Variants in ERFE observed in about 807,000 individuals in gnomAD.
ERFE encodes the protein erythroferrone, also known as complement C1q tumor necrosis factor-related protein 15.
A neutral mutation model predicts 26.6 loss-of-function variants in ERFE; 25 were observed. The ratio of observed to expected loss-of-function variants is 0.94; its 90% CI spans 0.69 to 1.31. The LOEUF (loss-of-function observed/expected upper bound fraction) is 1.31, where lower values mean the gene tolerates loss of function less well. Among genes scored for constraint, ERFE ranks in the 40% most tolerant of loss-of-function variants. The pLI is 0.00. For missense variants in ERFE, 447 were observed against 440.2 expected (o/e 1.02, Z -0.14); for synonymous variants, 206 against 204.5 (o/e 1.01, Z -0.06).
intron 1 of ERFE, 57 bp from the exon 2 acceptor site, chr2:238,161,537 C>T (rs975936313): frequency 6.8e-7 from 1 of 1,477,882 alleles, no homozygotes. Flanking sequence ...AAGTGTCCCA[C>T]CTGCTTGGTA....
rs137945293 is a variant in ERFE, at chr2:238,167,453, C to T, written c.*399C>T. On this transcript the variant is annotated 3_prime_UTR_variant, in exon 8 of 8. Coordinates refer to ENST00000546354, the MANE Select transcript of ERFE (RefSeq NM_001291832.2). ...TCATGTTCTCATGGAGTGCAAAGTG[C>T]ACCAGCCAGGGCCCCTACCTGGGAG... 920 of 481,174 alleles carry T rather than the reference C, an allele frequency of 1.9e-3. 3 individuals carry two copies. The highest frequency in any genetic ancestry group is 0.012 in the Middle Eastern group (39 of 3,212). 29.8% of individuals were successfully genotyped at this position (481,174 alleles called of 1,614,324 possible). A position where few individuals can be genotyped will look rare whatever the true frequency, so the allele number is the denominator to read the frequency against.
At chr2:238,160,974 A>G (rs1373249316) in intron 1 of ERFE, among the ~76,000 whole-genome samples, 3 of 152,206 alleles carry the variant, frequency 2.0e-5, no homozygotes, top group Non-Finnish European at 4.4e-5. Flanking sequence ...ATCACTGTCC[A>G]TGTGTCAGTG....
At position 238,159,356 on chromosome 2, in the gene ERFE, A is replaced by G. The variant is rs1218561199; in HGVS notation, c.198+151A>G. On this transcript the variant is annotated intron_variant, in intron 1 of 7. Coordinates refer to ENST00000546354, the MANE Select transcript of ERFE (RefSeq NM_001291832.2). Reference sequence around the variant, plus strand: ...GGGCTCCGGGGCTCCGCAGAGACTCAGGGCCGTGTAGACGCCGCCCTCAGC... The same window carrying G: ...GGGCTCCGGGGCTCCGCAGAGACTCGGGGCCGTGTAGACGCCGCCCTCAGC... Among the ~76,000 whole-genome samples, 9 of 151,988 alleles carry G rather than the reference A, an allele frequency of 5.9e-5. No homozygotes were observed. In the East Asian group the frequency reaches 1.6e-3, roughly 26 times the overall value.
chr2:238,168,394 G>A lies in ERFE; in HGVS notation c.*1340G>A, dbSNP rs1693082904. 1 of 471,048 alleles carries A rather than the reference G, an allele frequency of 2.1e-6. No individual in the cohort carries two copies. The highest frequency in any genetic ancestry group is 7.0e-5 in the East Asian group (1 of 14,388). 29.2% of individuals were successfully genotyped at this position (471,048 alleles called of 1,614,324 possible). A position where few individuals can be genotyped will look rare whatever the true frequency, so the allele number is the denominator to read the frequency against. The stretch of plus-strand genomic sequence containing the variant: ...AGGCTACGAAGAACCTGGTGCCTCA[G>A]GACCTCCTGGGAGCCAAGCTGGTCT... On this transcript the variant is annotated 3_prime_UTR_variant, in exon 8 of 8. Coordinates refer to ENST00000546354, the MANE Select transcript of ERFE (RefSeq NM_001291832.2).
Position 238,166,814 on chromosome 2 carries a change from T to G in ERFE, c.967-142T>G, listed in dbSNP as rs191717602. The G allele has an allele frequency of 4.7e-3, 3,222 of 687,790 alleles. 19 individuals carry two copies. The highest frequency in any genetic ancestry group is 0.013 in the Middle Eastern group (34 of 2,520). 42.6% of individuals were successfully genotyped at this position (687,790 alleles called of 1,614,324 possible). A position where few individuals can be genotyped will look rare whatever the true frequency, so the allele number is the denominator to read the frequency against. The stretch of plus-strand genomic sequence containing the variant: ...CGTGCGGGCCCTTGCTCTGTGACCT[T>G]GGCGGCCACATTCTTCTCTGGGCCT... On this transcript the variant is annotated intron_variant, in intron 7 of 7. Transcript: ENST00000546354.
chr2:238,161,474 G>T, intron 1 of ERFE, 120 bp from the exon 2 acceptor site: 1 of 1,289,258 alleles, frequency 7.8e-7, no homozygotes. Context: ...GGCACCACAG[G>T]TGACAAGGAC....
At chr2:238,162,084 A>G (rs1196946357) in intron 2 of ERFE, among the ~76,000 whole-genome samples, 1 of 152,176 alleles carries the variant, frequency 6.6e-6, no homozygotes. Flanking sequence ...ACTCAGCCTT[A>G]GGTCTTGGCC....
rs183863347 is a variant in ERFE at position 238,162,302 on chromosome 2, C to T, written c.322-434C>T. Among the ~76,000 whole-genome samples, 52 of 152,362 alleles carry T rather than the reference C, an allele frequency of 3.4e-4. No homozygotes were observed. The East Asian group carries it at 9.6e-3, about 28-fold the overall frequency. On this transcript the variant is annotated intron_variant, in intron 2 of 7. Transcript: ENST00000546354. ...GGCCTGGCCTTCTACCTCTGCCCAG[C>T]CTCCTGGCCCTGCCCTAAGCTTCTC...
chr2:238,162,026 G>A (rs866871268), intron 2 of ERFE, among the ~76,000 whole-genome samples: 5 of 152,352 alleles, frequency 3.3e-5, no homozygotes, highest in Non-Finnish European at 5.9e-5. Context: ...GGGCCTGCAG[G>A]AGTGCCTGGC....
chr2:238,165,784 C>T (rs1693025249), intron 7 of ERFE, 100 bp downstream of exon 7: 9 of 1,111,962 alleles, frequency 8.1e-6, no homozygotes, highest in South Asian at 2.9e-5. Context: ...ATCACTGGGT[C>T]GGGTGCAGCA....
At chr2:238,160,980 C>A (rs1050729793) in intron 1 of ERFE, among the ~76,000 whole-genome samples, 1 of 152,224 alleles carries the variant, frequency 6.6e-6, no homozygotes, top group Non-Finnish European at 1.5e-5. Context: ...GTCCATGTGT[C>A]AGTGTCTCAG....
At position 238,167,577 on chromosome 2, in the gene ERFE, C is replaced by A. The variant is rs1333228304; in HGVS notation, c.*523C>A. On this transcript the variant is annotated 3_prime_UTR_variant, in exon 8 of 8. Coordinates refer to ENST00000546354, the MANE Select transcript of ERFE (RefSeq NM_001291832.2). The stretch of plus-strand genomic sequence containing the variant: ...CGGGGTCACTCACCACTCCCCTGGT[C>A]TCCATCTGGGCTCCTTGGTCTTCCC... 1 of 389,588 alleles carries A rather than the reference C, an allele frequency of 2.6e-6. No individual in the cohort carries two copies. The highest frequency in any genetic ancestry group is 5.2e-6 in the Non-Finnish European group (1 of 192,674). The allele number at this position is 389,588 out of a possible 1,614,324, so 24.1% of individuals were successfully genotyped here.
intron 1 of ERFE, among the ~76,000 whole-genome samples, chr2:238,159,452 A>C (rs367961707): frequency 6.6e-6 from 1 of 152,068 alleles, no homozygotes; most frequent in African/African-American, 2.4e-5. Context: ...GGTCGGCGAA[A>C]CCCCCCTTTT....
Position 238,168,385 on chromosome 2 carries a change from G to A in ERFE, c.*1331G>A. On this transcript the variant is annotated 3_prime_UTR_variant, in exon 8 of 8. Transcript: ENST00000546354. ...CCACACAACAGGCTACGAAGAACCT[G>A]GTGCCTCAGGACCTCCTGGGAGCCA... is the stretch of plus-strand genomic sequence containing the variant. 1 of 471,044 alleles carries A rather than the reference G, an allele frequency of 2.1e-6. No homozygotes were observed. Among genetic ancestry groups the A allele is most frequent in the Non-Finnish European group, 4.4e-6 (1 of 226,984 alleles). The allele number at this position is 471,044 out of a possible 1,614,324, so 29.2% of individuals were successfully genotyped here. A position where few individuals can be genotyped will look rare whatever the true frequency, so the allele number is the denominator to read the frequency against.
In ERFE at chr2:238,161,708, A is replaced by G; in HGVS notation, c.313A>G (p.Lys105Glu). The G allele has an allele frequency of 6.5e-7, 1 of 1,543,412 alleles. No homozygotes were observed. The change falls in exon 2 of 8, where the codon AAG becomes GAG. Residue 105 changes from lysine (K) to glutamate (E), a missense_variant. Lys to Glu is a moderately conservative substitution (Grantham distance 56). Coordinates refer to ENST00000546354, the MANE Select transcript of ERFE (RefSeq NM_001291832.2). ...GAAGAGGAGCAGGGGCAAGGCCAAGAAGCTGAAGGTGAGGCCGGCATCCCG... is the reference window on the plus strand; with the variant it reads ...GAAGAGGAGCAGGGGCAAGGCCAAGGAGCTGAAGGTGAGGCCGGCATCCCG... ...GKKRSRGKAK[K>E]LKFGLPGPPG...
intron 3 of ERFE, among the ~76,000 whole-genome samples, chr2:238,163,369 A>G (rs1692969131): frequency 6.6e-6 from 1 of 152,182 alleles, no homozygotes; most frequent in Non-Finnish European, 1.5e-5. Flanking sequence ...CTTTTAGTTC[A>G]ATGTCCTGTT....
In ERFE at chr2:238,164,117, T is replaced by G; in HGVS notation, c.730T>G (p.Leu244Val). 1 of 1,454,892 alleles carries G rather than the reference T, an allele frequency of 6.9e-7. No homozygotes were observed. Among genetic ancestry groups the G allele is most frequent in the Non-Finnish European group, 9.0e-7 (1 of 1,107,622 alleles). The allele number at this position is 1,454,892 out of a possible 1,614,324, so 90.1% of individuals were successfully genotyped here. Reference protein sequence around the residue: ...GAFRRGPGLNLTSGQYRAPVA... With the variant: ...GAFRRGPGLNVTSGQYRAPVA... ...CTTCCGCCGCGGCCCGGGCCTGAACTTGACCAGCGGCCAGTACAGGGCGCC... is the reference window on the plus strand; with the variant it reads ...CTTCCGCCGCGGCCCGGGCCTGAACGTGACCAGCGGCCAGTACAGGGCGCC... The change falls in exon 5 of 8, where the codon TTG becomes GTG. Residue 244 changes from leucine to valine, a missense_variant. By Grantham distance (32) the Leu-to-Val change is conservative (BLOSUM62 1). Coordinates refer to ENST00000546354, the MANE Select transcript of ERFE (RefSeq NM_001291832.2).
At chr2:238,166,239 T>C (rs74863983) in intron 7 of ERFE, among the ~76,000 whole-genome samples, 3,998 of 152,324 alleles carry the variant, frequency 0.026, 50 homozygotes, top group South Asian at 0.062. Context: ...GAATAACAGC[T>C]GCTATTGAAT....
intron 6 of ERFE, 89 bp downstream of exon 6, chr2:238,164,449 C>T (rs1692999473): frequency 9.2e-6 from 12 of 1,307,004 alleles, no homozygotes; most frequent in South Asian, 5.1e-5. Flanking sequence ...ACGGGGCTTC[C>T]GCCCGTTCAC....
Sources: allele counts gnomAD v4.1 joint callset (sites outside exome capture counted in the v4.1 genomes callset), GRCh38; gene constraint gnomAD v4.1.1; transcripts MANE v1.5; gene names NCBI Gene and HGNC (gene_info 2026-07-23, HGNC 2026-07-21).